MYO15A: variants seen among roughly 807,000 people sequenced by gnomAD.
The protein encoded by MYO15A is myosin XVA.
MYO15A carries 308 observed loss-of-function variants against 394.6 expected under a neutral mutation model. The ratio of observed to expected loss-of-function variants is 0.78; its 90% CI spans 0.71 to 0.86. The LOEUF (loss-of-function observed/expected upper bound fraction) is 0.86. MYO15A is among the 40% of genes least tolerant of loss of function. The pLI, the probability that MYO15A is intolerant of heterozygous loss-of-function variation, is 0.00. For synonymous variants in MYO15A, 1,957 were observed against 2,003.8 expected (o/e 0.98, Z 0.62); for missense variants, 4,606 against 4,799.1 (o/e 0.96, Z 1.19).
At position 18,132,489 on chromosome 17, in the gene MYO15A, T is replaced by G; in HGVS notation, c.4243T>G (p.Leu1415Val). The change falls in exon 11 of 66, where the codon TTG (leucine) becomes GTG (valine). Residue 1415 changes from leucine (L) to valine (V), a missense_variant. Physicochemically the swap from Leu to Val is conservative, Grantham distance 32 (BLOSUM62 1). Around this residue, in one of 2 missense-constraint regions of MYO15A, gnomAD observed 2,776 missense variants for 3,109.3 expected, o/e 0.89. Coordinates refer to ENST00000647165, the MANE Select transcript of MYO15A (RefSeq NM_016239.4). This position sits in a 1 kb window ranked among gnomAD's most constrained non-coding sequence, Gnocchi z 4.6. Reference sequence around the variant, plus strand: ...GAGGAATTACCACATCTTCTACGAGTTGCTGGCCGGGTTGCCTGCCCAGCT... The same window carrying G: ...GAGGAATTACCACATCTTCTACGAGGTGCTGGCCGGGTTGCCTGCCCAGCT... ...NERNYHIFYE[L>V]LAGLPAQLRQ... 6.2e-7 allele frequency: 1 copy of G among 1,613,964 alleles called. No individual in the cohort carries two copies. Among genetic ancestry groups the G allele is most frequent in the East Asian group, 2.2e-5 (1 of 44,872 alleles).
intron 2 of MYO15A, 159 bp from the exon 3 acceptor site, chr17:18,124,324 G>T (rs2045992363): frequency 4.1e-6 from 3 of 725,976 alleles, no homozygotes; most frequent in Non-Finnish European, 7.3e-6. Flanking sequence ...AGGTTCTGGG[G>T]GCCACAGCAT....
At chr17:18,139,192 C>T (rs2142329628) in intron 18 of MYO15A, 1 of 628,306 alleles carries the variant, frequency 1.6e-6, no homozygotes, top group East Asian at 2.9e-5. Flanking sequence ...TAAAGAGTAG[C>T]TCATCAATAG....
chr17:18,155,889 G>C, intron 47 of MYO15A: 1 of 465,750 alleles, frequency 2.1e-6, no homozygotes, highest in South Asian at 2.1e-5. Context: ...GAAAGATGGA[G>C]AGAATTTGGT....
At chr17:18,159,870 T>C (rs747439320) in intron 55 of MYO15A, 65 bp from the exon 56 acceptor site, 13 of 1,565,666 alleles carry the variant, frequency 8.3e-6, no homozygotes, top group Non-Finnish European at 1.1e-5. Context: ...CCTGTTCTTA[T>C]GTACCTGGTA....
At chr17:18,176,592 G>T (rs1033995806) in intron 65 of MYO15A, 2 of 137,634 alleles carry the variant, frequency 1.5e-5, no homozygotes, top group African/African-American at 5.5e-5. Flanking sequence ...TGTTGCCTAG[G>T]CTGGAGTAAT....
Position 18,151,170 on chromosome 17 carries a change from G to A in MYO15A, c.7534G>A (p.Val2512Met), listed in dbSNP as rs201619309. ...AGGCACCGGTCCCCCTGCCAAACCC[G>A]TGCTCCTGCGTGCCACTCCAAAGCC... ...SVGTGPPAKP[V>M]LLRATPKPLA... Residue 2512 changes from valine to methionine, a missense_variant, in exon 39 of 66, where the codon GTG becomes ATG. By Grantham distance (21) the Val-to-Met change is conservative (BLOSUM62 1). Coordinates refer to ENST00000647165, the MANE Select transcript of MYO15A (RefSeq NM_016239.4). The A allele has an allele frequency of 1.5e-5, 25 of 1,613,968 alleles. No individual in the cohort carries two copies. The highest frequency in any genetic ancestry group is 8.0e-5 in the African/African-American group (6 of 75,036).
At chr17:18,124,755 C>G in intron 3 of MYO15A, 190 bp downstream of exon 3, 1 of 620,282 alleles carries the variant, frequency 1.6e-6, no homozygotes, top group Non-Finnish European at 2.8e-6. Flanking sequence ...AATCCTAGCC[C>G]CACCACTCAC....
At chr17:18,165,019 A>C (rs1341570944) in intron 60 of MYO15A, 2 of 149,660 alleles carry the variant, frequency 1.3e-5, no homozygotes, top group Non-Finnish European at 3.0e-5. Flanking sequence ...TTTGCCTGCC[A>C]CTCAGGAGGG....
rs755848567 is a variant in MYO15A at position 18,159,918 on chromosome 17, T to C, written c.9304-17T>C. 2 of 1,613,646 alleles carry C rather than the reference T, an allele frequency of 1.2e-6. No individual in the cohort carries two copies. The highest frequency in any genetic ancestry group is 1.7e-6 in the Non-Finnish European group (2 of 1,179,778). On this transcript the variant is annotated splice_polypyrimidine_tract_variant and intron_variant, in intron 55 of 65. Coordinates refer to ENST00000647165, the MANE Select transcript of MYO15A (RefSeq NM_016239.4). ...CCTCACATGTCTTTGGTGTGTAACCTCCCTGCCCCCCTTCAGCTGTGCGGG... is the reference window on the plus strand; with the variant it reads ...CCTCACATGTCTTTGGTGTGTAACCCCCCTGCCCCCCTTCAGCTGTGCGGG...
chr17:18,116,283 G>A (rs2045782930), intron 1 of MYO15A, among the ~76,000 whole-genome samples: 1 of 152,218 alleles, frequency 6.6e-6, no homozygotes, highest in African/African-American at 2.4e-5. Context: ...AGCAGGTTGT[G>A]GGGTTAGCAC....
At chr17:18,145,816 G>C in intron 29 of MYO15A, 56 bp from the exon 30 acceptor site, 1 of 1,524,650 alleles carries the variant, frequency 6.6e-7, no homozygotes, top group Non-Finnish European at 9.1e-7. Flanking sequence ...GTTGTGGGGT[G>C]GGGACTGGAA....
At position 18,150,734 on chromosome 17, in the gene MYO15A, A is replaced by C. The variant is rs756691527; in HGVS notation, c.7364A>C (p.Gln2455Pro). 27 of 1,588,888 alleles carry C rather than the reference A, an allele frequency of 1.7e-5. No homozygotes were observed. The East Asian group carries it at 6.2e-4, about 36-fold the overall frequency. ...GATGCCTCCACATTGGCTCTGCAGC[A>C]AGCCTTCATCCACAAACAGGCCGTG... The part of the protein sequence containing the change: ...GLDASTLALQ[Q>P]AFIHKQAVLL... Residue 2455 changes from glutamine to proline, a missense_variant, in exon 37 of 66, where the codon CAA (glutamine) becomes CCA (proline). By Grantham distance (76) the Gln-to-Pro change is moderately conservative (BLOSUM62 -1). Coordinates refer to ENST00000647165, the MANE Select transcript of MYO15A (RefSeq NM_016239.4). The surrounding 1 kb of genome is among the most constrained non-coding windows in gnomAD (Gnocchi z 4.4).
chr17:18,120,088 G>T lies in MYO15A; in HGVS notation c.1288G>T (p.Asp430Tyr). 1 of 1,612,612 alleles carries T rather than the reference G, an allele frequency of 6.2e-7. No homozygotes were observed. The highest frequency in any genetic ancestry group is 8.5e-7 in the Non-Finnish European group (1 of 1,179,426). The change falls in exon 2 of 66, where the codon GAT becomes TAT. Residue 430 changes from aspartate to tyrosine, a missense_variant. By Grantham distance (160) the Asp-to-Tyr change is radical. This residue lies in a region of MYO15A where 1,830 missense variants were observed against 1,689.7 expected (regional missense o/e 1.08). Transcript: ENST00000647165. ...SPHNPYAHAM[D>Y]DIAELEEPED... The stretch of plus-strand genomic sequence containing the variant: ...CCACAACCCGTATGCCCACGCCATG[G>T]ATGACATCGCCGAGCTGGAGGAACC...
chr17:18,154,234 G>T, intron 44 of MYO15A, 44 bp downstream of exon 44: 1 of 1,607,646 alleles, frequency 6.2e-7, no homozygotes, highest in Non-Finnish European at 8.5e-7. Context: ...ACTCAGCAGG[G>T]CTGTGTGGAC....
chr17:18,154,068 G>A, intron 43 of MYO15A, 63 bp from the exon 44 acceptor site: 1 of 1,608,112 alleles, frequency 6.2e-7, no homozygotes, highest in Non-Finnish European at 8.5e-7. Context: ...AGGGGGCGGG[G>A]CCGGGTGTGA....
At chr17:18,136,828 C>A in intron 15 of MYO15A, 142 bp downstream of exon 15, 2 of 1,235,340 alleles carry the variant, frequency 1.6e-6, no homozygotes, top group Non-Finnish European at 2.2e-6. Flanking sequence ...CTGTCACCAT[C>A]TCCCTTGTCT....
At chr17:18,136,018 T>C (rs2046260859) in intron 13 of MYO15A, among the ~76,000 whole-genome samples, 194 bp downstream of exon 13, 1 of 152,158 alleles carries the variant, frequency 6.6e-6, no homozygotes, top group African/African-American at 2.4e-5. Context: ...ATAGGCTGTT[T>C]CCTCTACCCG....
rs757663655 is a variant in MYO15A at position 18,158,600 on chromosome 17, T to C, written c.9045T>C (p.Phe3015=). The C allele has an allele frequency of 1.2e-6, 2 of 1,614,192 alleles. No homozygotes were observed. The highest frequency in any genetic ancestry group is 1.1e-5 in the South Asian group (1 of 91,090). ...TCCCACCCTACACAATGCTCGAGTT[T>C]GCCCAGAAGTATTTCCGAGACCCTC... ...LALPPYTMLE[F]AQKYFRDPQR... Residue 3015 remains phenylalanine (F), a synonymous_variant, in exon 52 of 66, where the codon TTT becomes TTC. Coordinates refer to ENST00000647165, the MANE Select transcript of MYO15A (RefSeq NM_016239.4).
At chr17:18,146,922 T>G (rs867776857) in intron 30 of MYO15A, among the ~76,000 whole-genome samples, 1 of 152,078 alleles carries the variant, frequency 6.6e-6, no homozygotes. Context: ...CAAGACCCTG[T>G]CTGATGTTAA....
Sources: allele counts gnomAD v4.1 joint callset (sites outside exome capture counted in the v4.1 genomes callset), GRCh38; gene constraint gnomAD v4.1.1; regional missense constraint gnomAD v4.1.1; non-coding constraint Gnocchi (gnomAD v3.1); transcripts MANE v1.5; gene names NCBI Gene and HGNC (gene_info 2026-07-23, HGNC 2026-07-21).